KAZN: variants seen among roughly 807,000 people sequenced by gnomAD.
KAZN encodes kazrin.
KAZN carries 40 observed loss-of-function variants against 87.4 expected under a neutral mutation model. The observed-to-expected ratio is 0.46, with a 90% CI of 0.36 to 0.60. The LOEUF (loss-of-function observed/expected upper bound fraction) is 0.60. Among genes scored for constraint, KAZN ranks in the 20% least tolerant of loss-of-function variants. The pLI is 0.00. For missense variants in KAZN, 898 were observed against 1,073.9 expected, an observed-to-expected ratio of 0.84 and a Z score of 2.29; for synonymous variants, 466 against 458.3, an observed-to-expected ratio of 1.02 and a Z score of -0.22.
At chr1:15,067,697 T>C (rs568620640) in intron 8 of KAZN, 25 of 985,482 alleles carry the variant, frequency 2.5e-5, no homozygotes, top group Non-Finnish European at 3.0e-5. Flanking sequence ...TCTGACCTGG[T>C]CCAAAAGTCA....
intron 1 of KAZN, among the ~76,000 whole-genome samples, chr1:14,960,105 T>C (rs1291523915): frequency 1.3e-5 from 2 of 152,152 alleles, no homozygotes; most frequent in Admixed American, 6.5e-5. Flanking sequence ...CTCGAGGGTA[T>C]GTGTTTTGCA....
At chr1:14,077,162 G>A (rs529645857) in intron 1 of KAZN, among the ~76,000 whole-genome samples, 1 of 152,144 alleles carries the variant, frequency 6.6e-6, no homozygotes, top group African/African-American at 2.4e-5. Context: ...GTTACATGGG[G>A]CTTTAGGCTG....
intron 2 of KAZN, among the ~76,000 whole-genome samples, chr1:14,361,584 C>T (rs1043457998): frequency 1.4e-4 from 21 of 152,318 alleles, no homozygotes; most frequent in African/African-American, 4.1e-4. Flanking sequence ...TGTAGGCACC[C>T]GAGAGAATCT....
intron 2 of KAZN, among the ~76,000 whole-genome samples, chr1:14,275,232 T>G (rs973420997): frequency 5.9e-5 from 9 of 152,178 alleles, no homozygotes; most frequent in Non-Finnish European, 1.3e-4. Flanking sequence ...ATTATTCCCA[T>G]GCAGTCCTTC....
In KAZN at chr1:14,967,091, C is replaced by A. The variant is rs974664967; in HGVS notation, c.418+6216C>A. ...ATGCAGGCAGATGATGGGCGATGGTCACGGTGAACTCGAGGGTCACACCAG... is the reference window on the plus strand; with the variant it reads ...ATGCAGGCAGATGATGGGCGATGGTAACGGTGAACTCGAGGGTCACACCAG... On this transcript the variant is annotated intron_variant, in intron 2 of 14. Transcript: ENST00000376030. 7.2e-5 allele frequency among the ~76,000 whole-genome samples: 11 copies of A among 152,290 alleles called. 1 individual carries two copies. Among genetic ancestry groups the A allele is most frequent in the Admixed American group, 7.2e-4 (11 of 15,302 alleles).
In KAZN at chr1:14,356,869, A is replaced by G. The variant is rs986655233; in HGVS notation, c.249+176277A>G. Among the ~76,000 whole-genome samples, 5 of 152,240 alleles carry G rather than the reference A, an allele frequency of 3.3e-5. No individual in the cohort carries two copies. In the South Asian group the frequency reaches 1.0e-3, roughly 32 times the overall value. On this transcript the variant is annotated intron_variant, in intron 2 of 16. Transcript: ENST00000636203. ...TGAAGTCAGGTAGCAGGATACCTCC[A>G]GCTTTGTTCTTTTTGCTTAGGATTG...
intron 2 of KAZN, among the ~76,000 whole-genome samples, chr1:14,382,303 G>A (rs1418409987): frequency 6.6e-6 from 1 of 152,054 alleles, no homozygotes; most frequent in Non-Finnish European, 1.5e-5. Context: ...ATTCTTCACA[G>A]AAATAGAAGA....
intron 2 of KAZN, among the ~76,000 whole-genome samples, chr1:14,998,823 T>G (rs2101999561): frequency 6.6e-6 from 1 of 152,298 alleles, no homozygotes; most frequent in Middle Eastern, 3.4e-3. Flanking sequence ...GTGCTGGGAT[T>G]ACAGGCGTGG....
Position 14,410,158 on chromosome 1 carries a change from C to T in KAZN, c.250-188825C>T, listed in dbSNP as rs560214069. On this transcript the variant is annotated intron_variant, in intron 2 of 16. Coordinates refer to the KAZN transcript ENST00000636203. ...TTGCTCTGTCACCAGAGCTGGAGTG[C>T]AGCAGCGTGATCTCGTCTCACTGCA... Among the ~76,000 whole-genome samples the T allele has an allele frequency of 2.0e-5, 3 of 152,334 alleles. No individual in the cohort carries two copies. In the East Asian group the frequency reaches 5.8e-4, roughly 29 times the overall value.
chr1:14,700,711 T>G (rs1311372117), intron 1 of KAZN, among the ~76,000 whole-genome samples: 1 of 152,132 alleles, frequency 6.6e-6, no homozygotes, highest in Non-Finnish European at 1.5e-5. Context: ...TGGTGTGGCT[T>G]GCCAGAGGCG....
intron 2 of KAZN, among the ~76,000 whole-genome samples, chr1:14,310,684 A>G (rs1655223751): frequency 6.6e-6 from 1 of 152,208 alleles, no homozygotes; most frequent in Non-Finnish European, 1.5e-5. Flanking sequence ...CGCAATTTCT[A>G]TGCAGAGCGT....
chr1:14,340,178 C>A (rs1388859365), intron 2 of KAZN, among the ~76,000 whole-genome samples: 1 of 152,250 alleles, frequency 6.6e-6, no homozygotes, highest in African/African-American at 2.4e-5. Flanking sequence ...TTTCTTGCAT[C>A]ATTAAATTGC....
intron 2 of KAZN, among the ~76,000 whole-genome samples, chr1:14,539,023 A>G (rs916439141): frequency 1.3e-5 from 2 of 152,202 alleles, no homozygotes; most frequent in Non-Finnish European, 2.9e-5. Context: ...TTATTTTACT[A>G]TTTTAACAAG....
At chr1:14,066,762 A>G (rs1245135410) in intron 1 of KAZN, among the ~76,000 whole-genome samples, 1 of 152,186 alleles carries the variant, frequency 6.6e-6, no homozygotes, top group Non-Finnish European at 1.5e-5. Flanking sequence ...TCTGGTTGAT[A>G]AGTTACAGGG....
chr1:13,984,212 G>A (rs1411188612), intron 1 of KAZN, among the ~76,000 whole-genome samples: 1 of 151,988 alleles, frequency 6.6e-6, no homozygotes, highest in South Asian at 2.1e-4. Flanking sequence ...GGGTTTCACT[G>A]TGTTAGCCAG....
At position 14,489,736 on chromosome 1, in the gene KAZN, AAATAATAAT is replaced by A. The variant is rs57610968; in HGVS notation, c.250-109219_250-109211del. ...GTGACAGAGTAAGACTCTGTCTTAAAAATAATAATAATAATAATAATAATAATAATAATA... is the reference window on the plus strand; with the variant it reads ...GTGACAGAGTAAGACTCTGTCTTAAAAATAATAATAATAATAATAATAATA... On this transcript the variant is annotated intron_variant, in intron 2 of 16. Coordinates refer to the KAZN transcript ENST00000636203. Among the ~76,000 whole-genome samples the A allele has an allele frequency of 4.0e-3, 585 of 144,500 alleles. 6 individuals carry two copies. The highest frequency in any genetic ancestry group is 0.014 in the East Asian group (70 of 5,006). The allele number at this position is 144,500 out of a possible 152,430, so 94.8% of individuals were successfully genotyped here.
At chr1:14,044,805 C>T (rs1641992006) in intron 1 of KAZN, among the ~76,000 whole-genome samples, 1 of 152,204 alleles carries the variant, frequency 6.6e-6, no homozygotes, top group East Asian at 1.9e-4. Context: ...ATTCTCTTCT[C>T]CCTGAATCTG....
At chr1:14,305,343 C>T (rs1389632286) in intron 2 of KAZN, among the ~76,000 whole-genome samples, 3 of 152,118 alleles carry the variant, frequency 2.0e-5, no homozygotes, top group Non-Finnish European at 4.4e-5. Context: ...TGACAACTTC[C>T]TAAAATTGAA....
At chr1:14,373,106 T>G (rs921688048) in intron 2 of KAZN, among the ~76,000 whole-genome samples, 1 of 151,878 alleles carries the variant, frequency 6.6e-6, no homozygotes, top group Non-Finnish European at 1.5e-5. Flanking sequence ...TGGAGGTAGG[T>G]AGTACTGAAC....
Sources: allele counts gnomAD v4.1 joint callset (sites outside exome capture counted in the v4.1 genomes callset), GRCh38; gene constraint gnomAD v4.1.1; transcripts MANE v1.5; gene names NCBI Gene and HGNC (gene_info 2026-07-23, HGNC 2026-07-21).